Variants in SSBP2 observed in about 807,000 individuals in gnomAD.
SSBP2 encodes single stranded DNA binding protein 2, also known as single-stranded DNA-binding protein 2.
Under a neutral mutation model 61.8 loss-of-function variants are expected in SSBP2, and 17 were observed. The ratio of observed to expected loss-of-function variants is 0.28; its 90% CI spans 0.19 to 0.41. The LOEUF (loss-of-function observed/expected upper bound fraction) is 0.41. SSBP2 is among the 10% of genes least tolerant of loss of function. The pLI is 1.00. For missense variants in SSBP2, 310 were observed against 458.7 expected (o/e 0.68, Z 2.96); for synonymous variants, 139 against 141.3 (o/e 0.98, Z 0.12).
At chr5:81,563,713 CCTTAT>C (rs1415576043) in intron 4 of SSBP2, among the ~76,000 whole-genome samples, 1 of 151,988 alleles carries the variant, frequency 6.6e-6, no homozygotes, top group African/African-American at 2.4e-5. Flanking sequence ...GAAATTAGAC[CCTTAT>C]CTTATACCAT....
At chr5:81,694,484 T>C (rs1256611179) in intron 1 of SSBP2, among the ~76,000 whole-genome samples, 1 of 152,152 alleles carries the variant, frequency 6.6e-6, no homozygotes, top group Non-Finnish European at 1.5e-5. Flanking sequence ...ATTGACTAAG[T>C]AAATTTGGGG....
chr5:81,448,133 G>A (rs1424308704), intron 11 of SSBP2: 1 of 152,126 alleles, frequency 6.6e-6, no homozygotes, highest in Non-Finnish European at 1.5e-5. Context: ...TCTAAATGGT[G>A]TAACGTATTT....
At chr5:81,506,184 C>A (rs1279948216) in intron 5 of SSBP2, among the ~76,000 whole-genome samples, 1 of 152,014 alleles carries the variant, frequency 6.6e-6, no homozygotes, top group African/African-American at 2.4e-5. Flanking sequence ...AGGGAAAGAT[C>A]TGTTCTATTT....
intron 4 of SSBP2, among the ~76,000 whole-genome samples, chr5:81,549,048 A>T (rs1384653135): frequency 7.2e-5 from 11 of 152,234 alleles, no homozygotes; most frequent in Admixed American, 5.2e-4. Context: ...AGCAAGATAT[A>T]GTTATAGTTT....
chr5:81,701,012 T>C (rs1753944340), intron 1 of SSBP2, among the ~76,000 whole-genome samples: 1 of 152,204 alleles, frequency 6.6e-6, no homozygotes, highest in Non-Finnish European at 1.5e-5. Context: ...AAGCTTTTCT[T>C]TGCATTCAAC....
At chr5:81,650,854 T>G (rs1200842827) in intron 1 of SSBP2, among the ~76,000 whole-genome samples, 1 of 152,176 alleles carries the variant, frequency 6.6e-6, no homozygotes, top group East Asian at 1.9e-4. Context: ...TAGATTTGAT[T>G]GTTAAGCCAA....
chr5:81,413,526 G>A lies in SSBP2; in HGVS notation c.*6978C>T, dbSNP rs951879350. 22 of 152,166 alleles carry A rather than the reference G, an allele frequency of 1.4e-4. No individual in the cohort carries two copies. The highest frequency in any genetic ancestry group is 4.6e-4 in the African/African-American group (19 of 41,526). 9.4% of individuals were successfully genotyped at this position (152,166 alleles called of 1,614,324 possible). On this transcript the variant is annotated 3_prime_UTR_variant, in exon 17 of 17. Coordinates refer to ENST00000320672, the MANE Select transcript of SSBP2 (RefSeq NM_012446.5). ...TGTAGTAAGAAAACGTCTTAAATTCGGAAAATCACAACTAGGTTAATTAAA... is the reference window on the plus strand; with the variant it reads ...TGTAGTAAGAAAACGTCTTAAATTCAGAAAATCACAACTAGGTTAATTAAA...
chr5:81,656,069 C>T (rs1441558792), intron 1 of SSBP2, among the ~76,000 whole-genome samples: 2 of 152,016 alleles, frequency 1.3e-5, no homozygotes, highest in Admixed American at 6.6e-5. Flanking sequence ...TTTTATGAGA[C>T]GGAGTCTTGC....
intron 1 of SSBP2, among the ~76,000 whole-genome samples, chr5:81,714,428 G>A (rs1755038033): frequency 6.6e-6 from 1 of 152,146 alleles, no homozygotes; most frequent in Non-Finnish European, 1.5e-5. Context: ...ATCCAGTAAT[G>A]AGACTGCTGG....
At chr5:81,470,489 T>G (rs1765180248) in intron 8 of SSBP2, among the ~76,000 whole-genome samples, 1 of 151,754 alleles carries the variant, frequency 6.6e-6, no homozygotes. Context: ...ATACACGCAT[T>G]AAGTATTAAT....
upstream of SSBP2, among the ~76,000 whole-genome samples, chr5:81,751,429 C>T (rs937650777): frequency 3.9e-5 from 6 of 152,150 alleles, no homozygotes; most frequent in Non-Finnish European, 8.8e-5. Flanking sequence ...GTTCTCTCCG[C>T]CGCCACCCCT....
chr5:81,581,214 C>A (rs887050556), intron 4 of SSBP2, among the ~76,000 whole-genome samples: 1 of 152,110 alleles, frequency 6.6e-6, no homozygotes, highest in African/African-American at 2.4e-5. Flanking sequence ...TAAGTAAGAT[C>A]GAGTCCCTTA....
intron 4 of SSBP2, among the ~76,000 whole-genome samples, chr5:81,563,888 G>C (rs1773233376): frequency 6.6e-6 from 1 of 152,090 alleles, no homozygotes; most frequent in African/African-American, 2.4e-5. Flanking sequence ...AAATAAGTGA[G>C]ACTATATCAA....
chr5:81,512,614 GGACT>G (rs1206079867), intron 5 of SSBP2, among the ~76,000 whole-genome samples: 1 of 152,008 alleles, frequency 6.6e-6, no homozygotes, highest in Non-Finnish European at 1.5e-5. Flanking sequence ...ATGTCCTAAA[GGACT>G]AGAGTTGGAT....
chr5:81,448,460 G>A (rs905522017), intron 11 of SSBP2, among the ~76,000 whole-genome samples: 5 of 152,174 alleles, frequency 3.3e-5, no homozygotes, highest in African/African-American at 9.7e-5. Context: ...GGACTGGGGT[G>A]TAGATTATTC....
intron 2 of SSBP2, among the ~76,000 whole-genome samples, chr5:81,644,624 C>T (rs1226747313): frequency 1.3e-5 from 2 of 152,082 alleles, no homozygotes; most frequent in Admixed American, 6.6e-5. Context: ...ATCCCTCAAC[C>T]TTAAGTGAGA....
At chr5:81,442,962 A>T (rs1763127320) in intron 12 of SSBP2, 3 of 292,656 alleles carry the variant, frequency 1.0e-5, no homozygotes, top group African/African-American at 6.6e-5. Flanking sequence ...AAGGATTATT[A>T]GAAATTTAAA....
At position 81,417,638 on chromosome 5, in the gene SSBP2, A is replaced by G. The variant is rs542520148; in HGVS notation, c.*2866T>C. The G allele has an allele frequency of 9.8e-5, 15 of 152,344 alleles. No individual in the cohort carries two copies. The highest frequency in any genetic ancestry group is 3.6e-4 in the African/African-American group (15 of 41,594). 9.4% of individuals were successfully genotyped at this position (152,344 alleles called of 1,614,324 possible). The stretch of plus-strand genomic sequence containing the variant: ...TAGTCTTATTACAAGAAAAAAGGAT[A>G]AGGGTTAAATGATTCAAAATCTAAA... On this transcript the variant is annotated 3_prime_UTR_variant, in exon 17 of 17. Transcript: ENST00000320672.
At chr5:81,626,406 G>T (rs192738272) in intron 3 of SSBP2, among the ~76,000 whole-genome samples, 1 of 152,188 alleles carries the variant, frequency 6.6e-6, no homozygotes, top group African/African-American at 2.4e-5. Context: ...GGTTAAATTA[G>T]ATTAAATAAT....
Sources: allele counts gnomAD v4.1 joint callset (sites outside exome capture counted in the v4.1 genomes callset), GRCh38; gene constraint gnomAD v4.1.1; transcripts MANE v1.5; gene names NCBI Gene and HGNC (gene_info 2026-07-23, HGNC 2026-07-21).